NLRP2: variants seen among roughly 807,000 people sequenced by gnomAD.
NLRP2 encodes NACHT, LRR and PYD domains-containing protein 2.
In NLRP2, 107 loss-of-function variants were observed where a neutral mutation model predicts 97.2. The ratio of observed to expected loss-of-function variants is 1.10; its 90% CI spans 0.94 to 1.29. The LOEUF is 1.29. Ranked by LOEUF, NLRP2 falls within the 50% of genes most tolerant of loss-of-function variation. The probability of loss-of-function intolerance (pLI) is 0.00; values close to 1 mark genes in which losing one functional copy is unlikely to be tolerated. For synonymous variants in NLRP2, 663 were observed against 551.5 expected (o/e 1.20, Z -2.83); for missense variants, 1,495 against 1,330.3 (o/e 1.12, Z -1.93).
chr19:54,981,474 C>T (rs951427550), intron 4 of NLRP2, 143 bp from the exon 5 acceptor site: 5 of 671,186 alleles, frequency 7.4e-6, no homozygotes, highest in African/African-American at 5.4e-5. Context: ...GGCCGGAAAA[C>T]ACATTTGTAG....
At chr19:54,995,727 A>G (rs1294008343) in intron 11 of NLRP2, among the ~76,000 whole-genome samples, 1 of 152,094 alleles carries the variant, frequency 6.6e-6, no homozygotes, top group Non-Finnish European at 1.5e-5. Context: ...CTGGAATCCT[A>G]TCTGGGAGGC....
chr19:54,979,444 G>A (rs967416448), intron 4 of NLRP2, among the ~76,000 whole-genome samples: 1 of 152,020 alleles, frequency 6.6e-6, no homozygotes, highest in African/African-American at 2.4e-5. Flanking sequence ...CCAGGTTCAA[G>A]TGATTCTGCC....
chr19:54,989,883 C>T (rs1016541298), intron 8 of NLRP2, 139 bp from the exon 9 acceptor site: 20 of 846,198 alleles, frequency 2.4e-5, no homozygotes, highest in East Asian at 1.0e-4. Flanking sequence ...CCCAGCTACT[C>T]GGGAGGCTGA....
chr19:54,984,329 G>GTTTTTTTTTTTTTTTTTTTTTTTTTT lies in NLRP2; in HGVS notation c.2030+624_2030+625insTTTTTTTTTTTTTTTTTTTTTTTTTT, dbSNP rs200366059. Among the ~76,000 whole-genome samples the GTTTTTTTTTTTTTTTTTTTTTTTTTT allele has an allele frequency of 2.8e-4, 22 of 79,676 alleles. 1 individual carries two copies. The highest frequency in any genetic ancestry group is 5.1e-4 in the African/African-American group (11 of 21,642). 52.3% of individuals were successfully genotyped at this position (79,676 alleles called of 152,430 possible). A position where few individuals can be genotyped will look rare whatever the true frequency, so the allele number is the denominator to read the frequency against. On this transcript the variant is annotated intron_variant, in intron 6 of 12. Coordinates refer to ENST00000448584, the MANE Select transcript of NLRP2 (RefSeq NM_017852.5). The stretch of plus-strand genomic sequence containing the variant: ...AACTTAAGTGGGGGTTTTTTTTTGT[G>GTTTTTTTTTTTTTTTTTTTTTTTTTT]TTTTTTTTTTTTTTTTTTTTTTTGG...
In NLRP2 at chr19:54,977,492, TGTGTGTGTG is replaced by T. The variant is rs1239391394; in HGVS notation, c.326-259_326-251del. The stretch of plus-strand genomic sequence containing the variant: ...TGGCCTTATGCGTGAGTAGTTTGTG[TGTGTGTGTG>T]TGTGTGTGTGTGTGTGTGTGTGTCT... On this transcript the variant is annotated intron_variant, in intron 3 of 12. Coordinates refer to ENST00000448584, the MANE Select transcript of NLRP2 (RefSeq NM_017852.5). 4.9e-3 allele frequency among the ~76,000 whole-genome samples: 278 copies of T among 56,878 alleles called. 1 individual carries two copies. The African/African-American group carries it at 0.059, about 12-fold the overall frequency. The allele number at this position is 56,878 out of a possible 152,430, so 37.3% of individuals were successfully genotyped here.
rs921809242 is a variant in NLRP2 at position 54,977,624 on chromosome 19, C to T, written c.326-128C>T. The T allele has an allele frequency of 1.5e-5, 13 of 867,554 alleles. No individual in the cohort carries two copies. In the African/African-American group the frequency reaches 1.6e-4, roughly 11 times the overall value. 53.7% of individuals were successfully genotyped at this position (867,554 alleles called of 1,614,324 possible). Reference sequence around the variant, plus strand: ...TGTACTTTCACTTTTACATCCAGTACCTTATCAACGTCCTTTTTAGTACCT... The same window carrying T: ...TGTACTTTCACTTTTACATCCAGTATCTTATCAACGTCCTTTTTAGTACCT... On this transcript the variant is annotated intron_variant, in intron 3 of 12. Coordinates refer to ENST00000448584, the MANE Select transcript of NLRP2 (RefSeq NM_017852.5).
chr19:54,982,708 G>C lies in NLRP2; in HGVS notation c.1010G>C (p.Arg337Pro). 1 of 1,614,044 alleles carries C rather than the reference G, an allele frequency of 6.2e-7. No individual in the cohort carries two copies. The highest frequency in any genetic ancestry group is 1.1e-5 in the South Asian group (1 of 91,086). ...LPKAALLVTT[R>P]PRALRDLRIL... ...AAGGCCGCCCTGCTGGTCACCACGCGGCCCAGGGCCCTGAGGGACCTCCGG... is the reference window on the plus strand; with the variant it reads ...AAGGCCGCCCTGCTGGTCACCACGCCGCCCAGGGCCCTGAGGGACCTCCGG... The change falls in exon 6 of 13, where the codon CGG (arginine) becomes CCG (proline). Residue 337 changes from arginine (R) to proline (P), a missense_variant. Physicochemically the swap from Arg to Pro is moderately radical, Grantham distance 103 (BLOSUM62 -2). Coordinates refer to ENST00000448584, the MANE Select transcript of NLRP2 (RefSeq NM_017852.5).
intron 2 of NLRP2, chr19:54,973,768 C>G (rs907102443): frequency 2.0e-5 from 11 of 541,308 alleles, no homozygotes; most frequent in African/African-American, 1.9e-4. Context: ...GGTCTGGGCT[C>G]TGAAAAAGAT....
chr19:54,971,898 G>A (rs538451468), intron 2 of NLRP2, among the ~76,000 whole-genome samples: 4 of 150,458 alleles, frequency 2.7e-5, no homozygotes, highest in Non-Finnish European at 4.4e-5. Flanking sequence ...GCACGATCTC[G>A]GCTCACTGCA....
intron 4 of NLRP2, among the ~76,000 whole-genome samples, chr19:54,979,166 G>A (rs1221372348): frequency 6.6e-6 from 1 of 151,646 alleles, no homozygotes; most frequent in Non-Finnish European, 1.5e-5. Context: ...TGTGTTTTTA[G>A]TACAGATGGG....
intron 2 of NLRP2, among the ~76,000 whole-genome samples, chr19:54,971,337 A>G (rs2070841489): frequency 6.6e-6 from 1 of 151,784 alleles, no homozygotes; most frequent in Non-Finnish European, 1.5e-5. Context: ...GTATATACCC[A>G]GTAATGGGAT....
chr19:54,997,227 G>A, intron 11 of NLRP2, 90 bp from the exon 12 acceptor site: 1 of 1,331,542 alleles, frequency 7.5e-7, no homozygotes. Flanking sequence ...TGGTCATGCA[G>A]ATCCCCAACA....
rs770540636 is a variant in NLRP2, at chr19:54,983,202, A to G, written c.1504A>G (p.Ile502Val). The change falls in exon 6 of 13, where the codon ATC becomes GTC. Residue 502 changes from isoleucine to valine, a missense_variant. Physicochemically the swap from Ile to Val is conservative, Grantham distance 29. Transcript: ENST00000448584. ...AGTCTCCAAAGGCTGCTACTCCTTC[A>G]TCCACCTCAGCTTCCAGCAGTTTCT... ...DRVSKGCYSF[I>V]HLSFQQFLTA... The G allele has an allele frequency of 1.6e-5, 26 of 1,613,770 alleles. No individual in the cohort carries two copies. In the Admixed American group the frequency reaches 4.3e-4, roughly 27 times the overall value.
chr19:54,996,894 C>T (rs537924327), intron 11 of NLRP2, among the ~76,000 whole-genome samples: 1 of 152,132 alleles, frequency 6.6e-6, no homozygotes, highest in Non-Finnish European at 1.5e-5. Context: ...GCAGATGAGC[C>T]CTGAGGGCGG....
chr19:54,978,145 A>G (rs2071363866), intron 4 of NLRP2, among the ~76,000 whole-genome samples: 1 of 150,596 alleles, frequency 6.6e-6, no homozygotes, highest in South Asian at 2.1e-4. Flanking sequence ...TGTAACCTCC[A>G]CCTCCCAGGT....
At chr19:54,973,735 C>T (rs2071021459) in intron 2 of NLRP2, 2 of 456,838 alleles carry the variant, frequency 4.4e-6, no homozygotes, top group African/African-American at 4.0e-5. Flanking sequence ...AGGAGGAAAC[C>T]CAGAGAGTTG....
At chr19:54,968,713 T>TTTTTTTTTTTTTTTTTTTA (rs1454134577) in intron 1 of NLRP2, among the ~76,000 whole-genome samples, 2 of 135,664 alleles carry the variant, frequency 1.5e-5, no homozygotes, top group East Asian at 2.3e-4. Flanking sequence ...TTTTTTTTTT[T>TTTTTTTTTTTTTTTTTTTA]GAGACAGTTT....
Position 54,977,830 on chromosome 19 carries a change from G to A in NLRP2, c.397+7G>A, listed in dbSNP as rs1320109060. ...TTCAAAACAGAAGCACAAGGTGGGT[G>A]TCAGGACCTCCAATGTTGGAGTCAG... On this transcript the variant is annotated splice_region_variant and intron_variant, in intron 4 of 12. Transcript: ENST00000448584. 5 of 1,613,382 alleles carry A rather than the reference G, an allele frequency of 3.1e-6. No homozygotes were observed. Among genetic ancestry groups the A allele is most frequent in the Middle Eastern group, 1.7e-4 (1 of 6,058 alleles).
intron 4 of NLRP2, among the ~76,000 whole-genome samples, chr19:54,980,071 A>G (rs1007637871): frequency 6.6e-6 from 1 of 151,956 alleles, no homozygotes; most frequent in Non-Finnish European, 1.5e-5. Context: ...CACTGTGCCC[A>G]GCCTAGCACA....
Sources: allele counts gnomAD v4.1 joint callset (sites outside exome capture counted in the v4.1 genomes callset), GRCh38; gene constraint gnomAD v4.1.1; transcripts MANE v1.5; gene names NCBI Gene and HGNC (gene_info 2026-07-23, HGNC 2026-07-21).